SLC25A10: variants seen among roughly 807,000 people sequenced by gnomAD.
SLC25A10 encodes mitochondrial dicarboxylate carrier.
Under a neutral mutation model 40.4 loss-of-function variants are expected in SLC25A10, and 32 were observed. That is an observed-to-expected ratio of 0.79 (90% CI 0.60 to 1.06). The LOEUF (loss-of-function observed/expected upper bound fraction) is 1.06. SLC25A10 is among the 50% of genes least tolerant of loss of function. The pLI, the probability that SLC25A10 is intolerant of heterozygous loss-of-function variation, is 0.00. For synonymous variants in SLC25A10, 181 were observed against 171.1 expected, an observed-to-expected ratio of 1.06 and a Z score of -0.45; for missense variants, 394 against 402.6, an observed-to-expected ratio of 0.98 and a Z score of 0.18.
At chr17:81,718,011 G>C in intron 9 of SLC25A10, 150 bp downstream of exon 9, 1 of 652,170 alleles carries the variant, frequency 1.5e-6, no homozygotes, top group Non-Finnish European at 2.7e-6. Context: ...CTTGGGAGAG[G>C]GTTGTGCCTT....
chr17:81,712,480 C>T lies in SLC25A10; in HGVS notation c.54C>T (p.Cys18=). ...GGTACTTCGGGGGGCTGGCCTCCTG[C>T]GGGGCCGCCTGCTGCACGCACCCGC... ...SRWYFGGLAS[C]GAACCTHPLD... is the part of the protein sequence containing the mutation. The change falls in exon 1 of 11, where the codon TGC becomes TGT. Residue 18 remains cysteine (C), a synonymous_variant. Transcript: ENST00000350690. 3.8e-6 allele frequency: 5 copies of T among 1,302,954 alleles called. No homozygotes were observed. The highest frequency in any genetic ancestry group is 2.9e-6 in the Non-Finnish European group (3 of 1,027,538). The allele number at this position is 1,302,954 out of a possible 1,614,324, so 80.7% of individuals were successfully genotyped here. A position where few individuals can be genotyped will look rare whatever the true frequency, so the allele number is the denominator to read the frequency against.
chr17:81,720,574 C>A lies in SLC25A10; in HGVS notation c.*497C>A. ...GACCTTCCATGTCCTCGGGCAGCTG[C>A]AACTCCCCGCGAGACCCCGCAGCTG... On this transcript the variant is annotated 3_prime_UTR_variant, in exon 11 of 11. Transcript: ENST00000350690. 8.1e-7 allele frequency: 1 copy of A among 1,233,832 alleles called. No homozygotes were observed. The highest frequency in any genetic ancestry group is 3.0e-5 in the East Asian group (1 of 33,320). 76.4% of individuals were successfully genotyped at this position (1,233,832 alleles called of 1,614,324 possible).
chr17:81,716,805 C>T lies in SLC25A10; in HGVS notation c.420-7C>T. ...AGTCTCATGTGGTCATTCTGTGTCCCCGGCAGCTACGCCCATGCGCTGGAT... is the reference window on the plus strand; with the variant it reads ...AGTCTCATGTGGTCATTCTGTGTCCTCGGCAGCTACGCCCATGCGCTGGAT... On this transcript the variant is annotated splice_region_variant and splice_polypyrimidine_tract_variant and intron_variant, in intron 5 of 10. Coordinates refer to ENST00000350690, the MANE Select transcript of SLC25A10 (RefSeq NM_012140.5). 6.2e-7 allele frequency: 1 copy of T among 1,605,662 alleles called. No individual in the cohort carries two copies. The highest frequency in any genetic ancestry group is 8.5e-7 in the Non-Finnish European group (1 of 1,176,588).
Position 81,715,040 on chromosome 17 carries a change from T to C in SLC25A10, c.181T>C (p.Tyr61His). The C allele has an allele frequency of 6.2e-7, 1 of 1,610,258 alleles. No individual in the cohort carries two copies. Among genetic ancestry groups the C allele is most frequent in the East Asian group, 2.2e-5 (1 of 44,880 alleles). ...GCGTACCGACGGCATCCTGGCACTC[T>C]ACAGCGGCCTGAGCGCCTCGCTGTG... ...VVRTDGILAL[Y>H]SGLSASLCRQ... The change falls in exon 2 of 11, where the codon TAC becomes CAC. Residue 61 changes from tyrosine to histidine, a missense_variant. By Grantham distance (83) the Tyr-to-His change is moderately conservative. Coordinates refer to ENST00000350690, the MANE Select transcript of SLC25A10 (RefSeq NM_012140.5).
chr17:81,715,391 C>G, intron 2 of SLC25A10, 87 bp from the exon 3 acceptor site: 1 of 1,220,942 alleles, frequency 8.2e-7, no homozygotes, highest in South Asian at 1.3e-5. Flanking sequence ...GCCCCTCGGG[C>G]TGAGGGGGAT....
At position 81,715,144 on chromosome 17, in the gene SLC25A10, G is replaced by T. The variant is rs555649001; in HGVS notation, c.213+72G>T. 3.2e-6 allele frequency: 5 copies of T among 1,568,522 alleles called. No homozygotes were observed. In the African/African-American group the frequency reaches 6.7e-5, roughly 21 times the overall value. ...CTGCAGTGGCATCCAAGCTACTTCC[G>T]TCCCCTTTTCAAGACTTTGTGCAAG... On this transcript the variant is annotated intron_variant, in intron 2 of 10. Coordinates refer to ENST00000350690, the MANE Select transcript of SLC25A10 (RefSeq NM_012140.5).
chr17:81,717,240 G>A (rs1477926051), intron 7 of SLC25A10, among the ~76,000 whole-genome samples, 159 bp from the exon 8 acceptor site: 1 of 152,216 alleles, frequency 6.6e-6, no homozygotes, highest in Non-Finnish European at 1.5e-5. Flanking sequence ...GCTGCAGCCT[G>A]TGAAGGACCT....
chr17:81,714,411 C>A (rs2037439504), intron 1 of SLC25A10, among the ~76,000 whole-genome samples: 1 of 152,222 alleles, frequency 6.6e-6, no homozygotes, highest in Non-Finnish European at 1.5e-5. Flanking sequence ...GCAGAGGAGG[C>A]CGCTATGCCC....
chr17:81,717,314 G>A (rs996853955), intron 7 of SLC25A10, 85 bp from the exon 8 acceptor site: 2 of 1,350,218 alleles, frequency 1.5e-6, no homozygotes, highest in Non-Finnish European at 2.1e-6. Flanking sequence ...CTTGGCCATT[G>A]CCAGGTGGTG....
At position 81,716,995 on chromosome 17, in the gene SLC25A10, T is replaced by C. The variant is rs1372869365; in HGVS notation, c.464-7T>C. On this transcript the variant is annotated splice_region_variant and splice_polypyrimidine_tract_variant and intron_variant, in intron 6 of 10. Coordinates refer to ENST00000350690, the MANE Select transcript of SLC25A10 (RefSeq NM_012140.5). ...CTCACCCCTTGCCTCACCCCTTCCTTGTGCAGAGGGTCTCAGGAGACTGTT... is the reference window on the plus strand; with the variant it reads ...CTCACCCCTTGCCTCACCCCTTCCTCGTGCAGAGGGTCTCAGGAGACTGTT... 6.2e-7 allele frequency: 1 copy of C among 1,613,460 alleles called. No individual in the cohort carries two copies. The highest frequency in any genetic ancestry group is 1.3e-5 in the African/African-American group (1 of 74,906).
Position 81,714,539 on chromosome 17 carries a change from G to T in SLC25A10, c.94-414G>T, listed in dbSNP as rs1033365295. On this transcript the variant is annotated intron_variant, in intron 1 of 10. Coordinates refer to ENST00000350690, the MANE Select transcript of SLC25A10 (RefSeq NM_012140.5). ...GCAGGCTCCCTCGCCGTTTCTGAGC[G>T]GCCATAAACGTTTGTCCCTCTTGAG... is the stretch of plus-strand genomic sequence containing the variant. Among the ~76,000 whole-genome samples, 4 of 152,298 alleles carry T rather than the reference G, an allele frequency of 2.6e-5. No individual in the cohort carries two copies. In the South Asian group the frequency reaches 8.3e-4, roughly 32 times the overall value.
Position 81,716,179 on chromosome 17 carries a change from G to A in SLC25A10, c.419+129G>A, listed in dbSNP as rs972102759. 9.0e-6 allele frequency: 9 copies of A among 994,666 alleles called. No individual in the cohort carries two copies. The African/African-American group carries it at 1.3e-4, about 15-fold the overall frequency. 61.6% of individuals were successfully genotyped at this position (994,666 alleles called of 1,614,324 possible). A position where few individuals can be genotyped will look rare whatever the true frequency, so the allele number is the denominator to read the frequency against. ...CGAGGTGCCTGCACGGTCCATGGAG[G>A]GTCCTGACGGCTGTTCTGGACTCGG... is the stretch of plus-strand genomic sequence containing the variant. On this transcript the variant is annotated intron_variant, in intron 5 of 10. Coordinates refer to ENST00000350690, the MANE Select transcript of SLC25A10 (RefSeq NM_012140.5).
In SLC25A10 at chr17:81,720,234, T is replaced by C; in HGVS notation, c.*157T>C. The C allele has an allele frequency of 2.1e-6, 3 of 1,453,872 alleles. No individual in the cohort carries two copies. Among genetic ancestry groups the C allele is most frequent in the Non-Finnish European group, 2.7e-6 (3 of 1,110,812 alleles). The allele number at this position is 1,453,872 out of a possible 1,614,324, so 90.1% of individuals were successfully genotyped here. A position where few individuals can be genotyped will look rare whatever the true frequency, so the allele number is the denominator to read the frequency against. ...CTGTCCCCCCACCTGCTGGCTGAGC[T>C]CCTCCTGGCCTCGTCCCCTCTCAGC... On this transcript the variant is annotated 3_prime_UTR_variant, in exon 11 of 11. Transcript: ENST00000350690.
rs534828945 is a variant in SLC25A10, at chr17:81,715,025, G to A, written c.166G>A (p.Gly56Ser). Residue 56 changes from glycine (G) to serine (S), a missense_variant, in exon 2 of 11, where the codon GGC becomes AGC. Gly to Ser is a moderately conservative substitution (Grantham distance 56). Coordinates refer to ENST00000350690, the MANE Select transcript of SLC25A10 (RefSeq NM_012140.5). Reference protein sequence around the residue: ...GMALRVVRTDGILALYSGLSA... With the variant: ...GMALRVVRTDSILALYSGLSA... ...GGCGCTGCGGGTGGTGCGTACCGACGGCATCCTGGCACTCTACAGCGGCCT... is the reference window on the plus strand; with the variant it reads ...GGCGCTGCGGGTGGTGCGTACCGACAGCATCCTGGCACTCTACAGCGGCCT... The A allele has an allele frequency of 3.4e-5, 54 of 1,610,134 alleles. No homozygotes were observed. In the African/African-American group the frequency reaches 4.3e-4, roughly 13 times the overall value.
chr17:81,720,758 T>C lies in SLC25A10; in HGVS notation c.*681T>C, dbSNP rs1307420145. 2.8e-6 allele frequency: 1 copy of C among 356,334 alleles called. No homozygotes were observed. The highest frequency in any genetic ancestry group is 4.1e-5 in the East Asian group (1 of 24,384). The allele number at this position is 356,334 out of a possible 1,614,324, so 22.1% of individuals were successfully genotyped here. A position where few individuals can be genotyped will look rare whatever the true frequency, so the allele number is the denominator to read the frequency against. ...TTTAACAGTTAGTTTTGCCAAAGCCTCTCCACTCACCAGCAGGCGGTCTCT... is the reference window on the plus strand; with the variant it reads ...TTTAACAGTTAGTTTTGCCAAAGCCCCTCCACTCACCAGCAGGCGGTCTCT... On this transcript the variant is annotated 3_prime_UTR_variant, in exon 11 of 11. Coordinates refer to ENST00000350690, the MANE Select transcript of SLC25A10 (RefSeq NM_012140.5).
intron 9 of SLC25A10, 103 bp downstream of exon 9, chr17:81,717,964 C>G (rs554391058): frequency 3.6e-6 from 3 of 834,970 alleles, no homozygotes; most frequent in Non-Finnish European, 5.9e-6. Context: ...GAAGGGTGTC[C>G]CTCCCTTCTA....
At chr17:81,713,540 A>C in intron 1 of SLC25A10, 1 of 972,604 alleles carries the variant, frequency 1.0e-6, no homozygotes, top group South Asian at 4.8e-5. Context: ...GGCACCTGAG[A>C]CCTCACTGGT....
intron 8 of SLC25A10, 48 bp downstream of exon 8, chr17:81,717,539 G>A (rs1243383226): frequency 3.1e-6 from 5 of 1,598,396 alleles, no homozygotes; most frequent in Middle Eastern, 1.7e-4. Context: ...CCGGCCTTGG[G>A]CGCTGAGGGC....
Position 81,715,611 on chromosome 17 carries a change from G to A in SLC25A10, c.328+19G>A, listed in dbSNP as rs769143704. On this transcript the variant is annotated intron_variant, in intron 3 of 10. Coordinates refer to ENST00000350690, the MANE Select transcript of SLC25A10 (RefSeq NM_012140.5). Reference sequence around the variant, plus strand: ...GTCAGCGGTGAGCTGCCGGGCGGGAGGGGGAGGGGCGCGGGGTGGTCAGGT... The same window carrying A: ...GTCAGCGGTGAGCTGCCGGGCGGGAAGGGGAGGGGCGCGGGGTGGTCAGGT... 13 of 1,611,746 alleles carry A rather than the reference G, an allele frequency of 8.1e-6. No homozygotes were observed. Among genetic ancestry groups the A allele is most frequent in the South Asian group, 1.1e-5 (1 of 91,050 alleles).
Sources: allele counts gnomAD v4.1 joint callset (sites outside exome capture counted in the v4.1 genomes callset), GRCh38; gene constraint gnomAD v4.1.1; transcripts MANE v1.5; gene names NCBI Gene and HGNC (gene_info 2026-07-23, HGNC 2026-07-21).